The following ADAM7 variants were observed in gnomAD, a reference collection of about 807,000 sequenced individuals.
ADAM7 encodes disintegrin and metalloproteinase domain-containing protein 7.
Under a neutral mutation model 102.9 loss-of-function variants are expected in ADAM7, and 97 were observed. The ratio of observed to expected loss-of-function variants is 0.94; its 90% CI spans 0.80 to 1.12. ADAM7 has a LOEUF of 1.12. Among genes scored for constraint, ADAM7 ranks in the 50% most tolerant of loss-of-function variants. The pLI is 0.00. For synonymous variants in ADAM7, 334 were observed against 304.4 expected, an observed-to-expected ratio of 1.10 and a Z score of -1.01; for missense variants, 991 against 908.7, an observed-to-expected ratio of 1.09 and a Z score of -1.16.
rs1345740463 is a variant in ADAM7 at position 24,477,568 on chromosome 8, C to CAGTGTGTG, written c.705+1065_705+1072dup. On this transcript the variant is annotated intron_variant, in intron 8 of 21. Coordinates refer to ENST00000175238, the MANE Select transcript of ADAM7 (RefSeq NM_003817.4). ...ATGTGTCCCTTGGGCATACCCTCAT[C>CAGTGTGTG]AGTGTGTGTGTGTGTGTGTGTGTGT... Among the ~76,000 whole-genome samples, 49 of 146,058 alleles carry CAGTGTGTG rather than the reference C, an allele frequency of 3.4e-4. 1 individual carries two copies. Among genetic ancestry groups the CAGTGTGTG allele is most frequent in the African/African-American group, 9.3e-4 (37 of 39,598 alleles).
chr8:24,442,741 G>C (rs192840961), intron 2 of ADAM7, among the ~76,000 whole-genome samples, 165 bp downstream of exon 2: 1 of 152,170 alleles, frequency 6.6e-6, no homozygotes, highest in East Asian at 1.9e-4. Flanking sequence ...CCCTCAATGG[G>C]TTAGAAAACA....
Position 24,441,064 on chromosome 8 carries a change from C to A in ADAM7, c.-45C>A, listed in dbSNP as rs768904739. The A allele has an allele frequency of 1.3e-6, 2 of 1,568,600 alleles. No individual in the cohort carries two copies. The highest frequency in any genetic ancestry group is 2.2e-5 in the South Asian group (2 of 90,016). On this transcript the variant is annotated 5_prime_UTR_variant, in exon 1 of 22. Transcript: ENST00000175238. The stretch of plus-strand genomic sequence containing the variant: ...AAGTGAGGAGGAAGAAAGGTGAACT[C>A]CTTTTCTCAAGCACTTCTGCTCTCC...
At chr8:24,448,524 G>T (rs1174421580) in intron 3 of ADAM7, among the ~76,000 whole-genome samples, 2 of 152,072 alleles carry the variant, frequency 1.3e-5, no homozygotes, top group Non-Finnish European at 2.9e-5. Flanking sequence ...CTAAATCTGT[G>T]AATATTATGT....
At chr8:24,474,541 G>A (rs1157039355) in intron 7 of ADAM7, among the ~76,000 whole-genome samples, 1 of 152,018 alleles carries the variant, frequency 6.6e-6, no homozygotes, top group Admixed American at 6.6e-5. Context: ...AATAGTTAAT[G>A]AGCATTCAAT....
At chr8:24,448,657 T>TTTTTTATTA (rs1310359925) in intron 3 of ADAM7, among the ~76,000 whole-genome samples, 1 of 148,710 alleles carries the variant, frequency 6.7e-6, no homozygotes, top group Non-Finnish European at 1.5e-5. Flanking sequence ...ATTCAGCTTG[T>TTTTTTATTA]TTATTATTAT....
At chr8:24,478,035 C>A (rs1041738077) in intron 8 of ADAM7, among the ~76,000 whole-genome samples, 1 of 152,126 alleles carries the variant, frequency 6.6e-6, no homozygotes, top group African/African-American at 2.4e-5. Flanking sequence ...TTTATTACTG[C>A]ATAACAAGTT....
chr8:24,441,351 A>T (rs1818367120), intron 1 of ADAM7, among the ~76,000 whole-genome samples, 191 bp downstream of exon 1: 1 of 152,184 alleles, frequency 6.6e-6, no homozygotes, highest in Non-Finnish European at 1.5e-5. Flanking sequence ...GAACATTCTG[A>T]CCCACAGTGA....
intron 6 of ADAM7, among the ~76,000 whole-genome samples, chr8:24,468,257 T>C (rs1163705004): frequency 6.6e-6 from 1 of 151,380 alleles, no homozygotes; most frequent in East Asian, 1.9e-4. Context: ...GTTTTTCACG[T>C]GAGCTTACTA....
Position 24,441,099 on chromosome 8 carries a change from A to C in ADAM7, c.-10A>C. The C allele has an allele frequency of 6.2e-7, 1 of 1,612,974 alleles. No homozygotes were observed. On this transcript the variant is annotated 5_prime_UTR_variant, in exon 1 of 22. Transcript: ENST00000175238. ...AGCACTTCTGCTCTCCTCTACCAGA[A>C]TCACTCAGAATGCTTCCCGGGTGTA... is the stretch of plus-strand genomic sequence containing the variant.
At chr8:24,490,923 T>C in intron 13 of ADAM7, 35 bp downstream of exon 13, 1 of 1,597,426 alleles carries the variant, frequency 6.3e-7, no homozygotes, top group Non-Finnish European at 8.6e-7. Context: ...TTTTTTTTTT[T>C]CAGTTTAAGA....
chr8:24,492,151 T>A, intron 14 of ADAM7, 53 bp downstream of exon 14: 2 of 1,535,744 alleles, frequency 1.3e-6, no homozygotes, highest in Non-Finnish European at 1.8e-6. Context: ...TCTATTTCTC[T>A]GTTATTGCCC....
intron 1 of ADAM7, among the ~76,000 whole-genome samples, 190 bp downstream of exon 1, chr8:24,441,350 G>T (rs933214086): frequency 6.6e-6 from 1 of 152,170 alleles, no homozygotes; most frequent in Admixed American, 6.5e-5. Flanking sequence ...TGAACATTCT[G>T]ACCCACAGTG....
chr8:24,460,949 A>G (rs1037387692), intron 3 of ADAM7, among the ~76,000 whole-genome samples: 2 of 152,094 alleles, frequency 1.3e-5, no homozygotes, highest in Middle Eastern at 3.2e-3. Context: ...ACTTTTACCA[A>G]TTTTTGTAGC....
rs1175671498 is a variant in ADAM7 at position 24,494,451 on chromosome 8, C to T, written c.1842+1222C>T. Among the ~76,000 whole-genome samples, 117 of 152,248 alleles carry T rather than the reference C, an allele frequency of 7.7e-4. 1 individual carries two copies. The highest frequency in any genetic ancestry group is 2.9e-5 in the Non-Finnish European group (2 of 68,024). On this transcript the variant is annotated intron_variant, in intron 16 of 21. Transcript: ENST00000175238. ...TTCACCTCAGATACGAAAAACCAGC[C>T]TGAGATACAAAGTGCTTCCTTCTTT...
In ADAM7 at chr8:24,507,510, G is replaced by A. The variant is rs367681847; in HGVS notation, c.2239G>A (p.Ala747Thr). Residue 747 changes from alanine (A) to threonine (T), a missense_variant, in exon 21 of 22, where the codon GCA (alanine) becomes ACA (threonine). Transcript: ENST00000175238. ...TGCAAGTAAAGATTCAAGAGGAATC[G>A]CAGATCCCAATCAAAGTGCCAAGTG... Reference protein sequence around the residue: ...KPASKDSRGIADPNQSAK With the variant: ...KPASKDSRGITDPNQSAK 22 of 1,612,656 alleles carry A rather than the reference G, an allele frequency of 1.4e-5. No homozygotes were observed. The Admixed American group carries it at 1.5e-4, about 11-fold the overall frequency.
chr8:24,483,241 G>A (rs759076728), intron 9 of ADAM7, among the ~76,000 whole-genome samples: 25 of 152,072 alleles, frequency 1.6e-4, no homozygotes, highest in Non-Finnish European at 3.7e-4. Flanking sequence ...TAGCCCAGAG[G>A]AAAAGGATAA....
chr8:24,476,606 G>GTA, intron 8 of ADAM7, 102 bp downstream of exon 8: 1 of 815,182 alleles, frequency 1.2e-6, no homozygotes, highest in Non-Finnish European at 1.9e-6. Context: ...GATATTAAGG[G>GTA]AGTACAAAGC....
At chr8:24,452,169 C>T (rs1167013273) in intron 3 of ADAM7, among the ~76,000 whole-genome samples, 2 of 151,390 alleles carry the variant, frequency 1.3e-5, no homozygotes, top group African/African-American at 2.4e-5. Flanking sequence ...GTTAGGTCCA[C>T]TTGGTGCAGA....
chr8:24,485,125 A>G (rs1023239821), intron 9 of ADAM7, 152 bp from the exon 10 acceptor site: 1 of 695,050 alleles, frequency 1.4e-6, no homozygotes, highest in African/African-American at 1.8e-5. Context: ...CTCAATATCA[A>G]CTAAGGTCAG....
Sources: allele counts gnomAD v4.1 joint callset (sites outside exome capture counted in the v4.1 genomes callset), GRCh38; gene constraint gnomAD v4.1.1; transcripts MANE v1.5; gene names NCBI Gene and HGNC (gene_info 2026-07-23, HGNC 2026-07-21).